Variants in HBS1L observed in about 807,000 individuals in gnomAD.
The protein encoded by HBS1L is HBS1 like translational GTPase, also known as HBS1-like protein.
Under a neutral mutation model 88.9 loss-of-function variants are expected in HBS1L, and 55 were observed. The ratio of observed to expected loss-of-function variants is 0.62; its 90% CI spans 0.50 to 0.77. The LOEUF (loss-of-function observed/expected upper bound fraction) is 0.77. HBS1L is among the 30% of genes least tolerant of loss of function. The pLI, the probability that HBS1L is intolerant of heterozygous loss-of-function variation, is 0.00. For synonymous variants in HBS1L, 267 were observed against 288.5 expected, an observed-to-expected ratio of 0.93 and a Z score of 0.76; for missense variants, 741 against 829.3, an observed-to-expected ratio of 0.89 and a Z score of 1.31.
chr6:134,968,918 T>C (rs1394874918), intron 16 of HBS1L, among the ~76,000 whole-genome samples: 1 of 152,220 alleles, frequency 6.6e-6, no homozygotes, highest in Non-Finnish European at 1.5e-5. Flanking sequence ...CATATTTTTT[T>C]AAATGCCCTT....
intron 9 of HBS1L, among the ~76,000 whole-genome samples, chr6:134,987,143 G>A (rs1775001041): frequency 1.3e-5 from 2 of 151,834 alleles, no homozygotes; most frequent in Admixed American, 1.3e-4. Flanking sequence ...AAATAGACTA[G>A]AATACAGCCA....
rs1775210682 is a variant in HBS1L, at chr6:134,993,738, G to A, written c.1083+20C>T. 8.4e-7 allele frequency: 1 copy of A among 1,184,908 alleles called. No individual in the cohort carries two copies. The allele number at this position is 1,184,908 out of a possible 1,614,324, so 73.4% of individuals were successfully genotyped here. A position where few individuals can be genotyped will look rare whatever the true frequency, so the allele number is the denominator to read the frequency against. ...TGTAAAGTACAATCAGCACACTATA[G>A]TGAAGAAAACAGCAGTTACCTGGGC... On this transcript the variant is annotated intron_variant, in intron 8 of 17. Coordinates refer to ENST00000367837, the MANE Select transcript of HBS1L (RefSeq NM_006620.4).
At chr6:135,045,444 T>C (rs966507847) in intron 2 of HBS1L, among the ~76,000 whole-genome samples, 5 of 152,160 alleles carry the variant, frequency 3.3e-5, no homozygotes, top group African/African-American at 9.7e-5. Context: ...AAAATAAAAA[T>C]CACATGAGGC....
intron 15 of HBS1L, among the ~76,000 whole-genome samples, chr6:134,971,957 A>T (rs1774501190): frequency 6.6e-6 from 1 of 152,166 alleles, no homozygotes; most frequent in African/African-American, 2.4e-5. Context: ...TAAATGCAAA[A>T]CCAGACTTGA....
At chr6:135,008,237 T>C (rs546372668) in intron 4 of HBS1L, among the ~76,000 whole-genome samples, 83 of 152,330 alleles carry the variant, frequency 5.4e-4, no homozygotes, top group Non-Finnish European at 9.7e-4. Flanking sequence ...GAACTAATCA[T>C]CCGTTAGGTA....
chr6:135,050,074 C>G (rs1253863851), intron 2 of HBS1L, among the ~76,000 whole-genome samples: 1 of 152,200 alleles, frequency 6.6e-6, no homozygotes, highest in Non-Finnish European at 1.5e-5. Context: ...AGATGCAGCT[C>G]TGATGTGGAA....
intron 2 of HBS1L, among the ~76,000 whole-genome samples, chr6:135,044,604 C>A (rs984494614): frequency 6.6e-6 from 1 of 152,096 alleles, no homozygotes; most frequent in Non-Finnish European, 1.5e-5. Flanking sequence ...AGACTGATAG[C>A]CTTTTGTTTT....
intron 4 of HBS1L, among the ~76,000 whole-genome samples, chr6:135,017,335 C>G (rs1583117476): frequency 6.6e-6 from 1 of 152,076 alleles, no homozygotes; most frequent in South Asian, 2.1e-4. Flanking sequence ...AAACTGTTGC[C>G]TAGGGATAAT....
At position 134,965,198 on chromosome 6, in the gene HBS1L, C is replaced by A; in HGVS notation, c.*81G>T. ...AAAAACATATCAATTGCACATTGTT[C>A]CTTTGACTTAATAACTGCATTCTTG... is the stretch of plus-strand genomic sequence containing the variant. On this transcript the variant is annotated 3_prime_UTR_variant, in exon 18 of 18. Coordinates refer to ENST00000367837, the MANE Select transcript of HBS1L (RefSeq NM_006620.4). 9.0e-7 allele frequency: 1 copy of A among 1,114,158 alleles called. No individual in the cohort carries two copies. Among genetic ancestry groups the A allele is most frequent in the South Asian group, 1.3e-5 (1 of 78,348 alleles). The allele number at this position is 1,114,158 out of a possible 1,614,324, so 69.0% of individuals were successfully genotyped here.
chr6:135,038,073 C>T (rs983340565), intron 4 of HBS1L: 39 of 1,393,044 alleles, frequency 2.8e-5, no homozygotes, highest in Non-Finnish European at 3.3e-5. Flanking sequence ...GGTTGATATA[C>T]GCAGAAGACA....
chr6:134,976,788 T>A (rs965170714), intron 15 of HBS1L, among the ~76,000 whole-genome samples: 1 of 152,022 alleles, frequency 6.6e-6, no homozygotes. Context: ...GATAAGAAAC[T>A]ACATCTTGGG....
intron 1 of HBS1L, 45 bp from the exon 2 acceptor site, chr6:135,050,692 T>A (rs118165421): frequency 7.9e-7 from 1 of 1,268,422 alleles, no homozygotes; most frequent in African/African-American, 1.5e-5. Flanking sequence ...AAGTTCTTTT[T>A]ATATTCTTAG....
intron 2 of HBS1L, 45 bp from the exon 3 acceptor site, chr6:135,042,171 C>T: frequency 1.3e-6 from 2 of 1,508,490 alleles, no homozygotes; most frequent in South Asian, 1.3e-5. Flanking sequence ...TAGCCATTTC[C>T]TATTAACTTT....
Position 134,969,288 on chromosome 6 carries a change from C to A in HBS1L, c.1848G>T (p.Leu616Phe). The change falls in exon 16 of 18, where the codon TTG becomes TTT. Residue 616 changes from leucine (L) to phenylalanine (F), a missense_variant. This residue lies in a region of HBS1L where 181 missense variants were observed against 212.7 expected (regional missense o/e 0.85). Coordinates refer to ENST00000367837, the MANE Select transcript of HBS1L (RefSeq NM_006620.4). ...TVSEPAVIKR[L>F]ISVLNKSTGE... ...CCGTGCTTTTGTTTAAGACACTAAT[C>A]AATCGTTTAATAACGGCGGGTTCAC... is the stretch of plus-strand genomic sequence containing the variant. The A allele has an allele frequency of 6.2e-7, 1 of 1,613,850 alleles. No homozygotes were observed. The highest frequency in any genetic ancestry group is 1.1e-5 in the South Asian group (1 of 91,068).
intron 8 of HBS1L, among the ~76,000 whole-genome samples, chr6:134,992,114 C>T (rs1056964309): frequency 2.0e-5 from 3 of 152,112 alleles, no homozygotes; most frequent in Admixed American, 6.6e-5. Flanking sequence ...CGGGTAATTG[C>T]TTGAAGTCAT....
chr6:135,026,851 T>C (rs1482362150), intron 4 of HBS1L: 1 of 149,900 alleles, frequency 6.7e-6, no homozygotes, highest in African/African-American at 2.5e-5. Flanking sequence ...TATATTAACT[T>C]ACCACACTCA....
chr6:134,978,815 G>A, intron 14 of HBS1L, 28 bp from the exon 15 acceptor site: 1 of 1,337,134 alleles, frequency 7.5e-7, no homozygotes, highest in Non-Finnish European at 1.1e-6. Flanking sequence ...AAAGAGGAAA[G>A]GTAATTGGGG....
At chr6:134,972,461 G>C (rs763277214) in intron 15 of HBS1L, among the ~76,000 whole-genome samples, 1 of 152,094 alleles carries the variant, frequency 6.6e-6, no homozygotes, top group Non-Finnish European at 1.5e-5. Flanking sequence ...ATGGATCAAA[G>C]ACCTAAATAT....
At chr6:134,975,933 T>C (rs1774631015) in intron 15 of HBS1L, among the ~76,000 whole-genome samples, 2 of 152,102 alleles carry the variant, frequency 1.3e-5, no homozygotes, top group Admixed American at 1.3e-4. Context: ...GCTAAAGAGC[T>C]AGTGCACAGC....
Sources: allele counts gnomAD v4.1 joint callset (sites outside exome capture counted in the v4.1 genomes callset), GRCh38; gene constraint gnomAD v4.1.1; regional missense constraint gnomAD v4.1.1; transcripts MANE v1.5; gene names NCBI Gene and HGNC (gene_info 2026-07-23, HGNC 2026-07-21).